The following ATP9B variants were observed in gnomAD, a reference collection of about 807,000 sequenced individuals.
ATP9B encodes ATPase phospholipid transporting 9B.
A neutral mutation model predicts 146.1 loss-of-function variants in ATP9B; 110 were observed. The ratio of observed to expected loss-of-function variants is 0.75; its 90% CI spans 0.65 to 0.88. ATP9B has a LOEUF of 0.88. Ranked by LOEUF, ATP9B falls within the 40% of genes least tolerant of loss-of-function variation. The pLI, the probability that ATP9B is intolerant of heterozygous loss-of-function variation, is 0.00. For synonymous variants in ATP9B, 604 were observed against 569.7 expected, an observed-to-expected ratio of 1.06 and a Z score of -0.86; for missense variants, 1,499 against 1,496.4, an observed-to-expected ratio of 1.00 and a Z score of -0.03.
chr18:79,272,724 C>G (rs1393873791), intron 12 of ATP9B, among the ~76,000 whole-genome samples: 1 of 152,200 alleles, frequency 6.6e-6, no homozygotes, highest in Non-Finnish European at 1.5e-5. Context: ...CTCTTCAGAT[C>G]AGTGATCATT....
rs547954982 is a variant in ATP9B, at chr18:79,356,530, A to G, written c.2904-2824A>G. Among the ~76,000 whole-genome samples the G allele has an allele frequency of 2.0e-5, 3 of 152,342 alleles. No homozygotes were observed. The South Asian group carries it at 6.2e-4, about 32-fold the overall frequency. The stretch of plus-strand genomic sequence containing the variant: ...ACACTGTGGTTCATTTGCCTGCCAC[A>G]AAATAGTAGTCAGCAATAGAAAGAA... On this transcript the variant is annotated intron_variant, in intron 25 of 29. Transcript: ENST00000426216.
intron 11 of ATP9B, among the ~76,000 whole-genome samples, chr18:79,217,348 C>T (rs2148449980): frequency 6.6e-6 from 1 of 152,226 alleles, no homozygotes; most frequent in Middle Eastern, 3.4e-3. Flanking sequence ...CCACGCCTGG[C>T]TAATTTTTTG....
chr18:79,375,242 G>A (rs2097096226), intron 28 of ATP9B, 152 bp from the exon 29 acceptor site: 1 of 648,280 alleles, frequency 1.5e-6, no homozygotes, highest in African/African-American at 1.8e-5. Context: ...ATCAGGCAGG[G>A]AAATGAGATG....
In ATP9B at chr18:79,176,908, G is replaced by T; in HGVS notation, c.873+1G>T. 6.2e-7 allele frequency: 1 copy of T among 1,613,668 alleles called. No individual in the cohort carries two copies. The highest frequency in any genetic ancestry group is 8.5e-7 in the Non-Finnish European group (1 of 1,179,660). On this transcript the variant is annotated splice_donor_variant, in intron 8 of 29. Coordinates refer to ENST00000426216, the MANE Select transcript of ATP9B (RefSeq NM_198531.5). LOFTEE classifies it high-confidence loss of function. Reference sequence around the variant, plus strand: ...CACGCAACAGCTGCCGGCTCTGGGGGTGAGCAGCACCAAGACTACTCCATC... The same window carrying T: ...CACGCAACAGCTGCCGGCTCTGGGGTTGAGCAGCACCAAGACTACTCCATC...
intron 26 of ATP9B, among the ~76,000 whole-genome samples, chr18:79,371,922 G>C (rs1356525787): frequency 6.6e-6 from 1 of 152,242 alleles, no homozygotes; most frequent in Non-Finnish European, 1.5e-5. Context: ...GCAAGAACCT[G>C]AGGAAATCAC....
At chr18:79,375,641 G>A (rs1164539166) in intron 29 of ATP9B, 1 of 985,348 alleles carries the variant, frequency 1.0e-6, no homozygotes, top group Non-Finnish European at 1.2e-6. Flanking sequence ...GGCCCTGAGT[G>A]AGGGGAAGGG....
intron 11 of ATP9B, among the ~76,000 whole-genome samples, chr18:79,246,045 CTG>C (rs1439627276): frequency 2.7e-3 from 183 of 67,938 alleles, no homozygotes; most frequent in African/African-American, 8.9e-3. Context: ...GCCCTACTGA[CTG>C]TGCGGAGGGC....
At chr18:79,324,265 C>T (rs1339978634) in intron 15 of ATP9B, among the ~76,000 whole-genome samples, 1 of 151,952 alleles carries the variant, frequency 6.6e-6, no homozygotes. Context: ...TTTCTCTTCA[C>T]TTTGTTGATT....
At chr18:79,327,468 T>TTCTCCGTGGTTAGCGTGC (rs1186875965) in intron 15 of ATP9B, among the ~76,000 whole-genome samples, 5 of 138,434 alleles carry the variant, frequency 3.6e-5, no homozygotes, top group Admixed American at 1.4e-4. Context: ...GGTTAGCGTG[T>TTCTCCGTGGTTAGCGTGC]TCTCCGTGGT....
chr18:79,129,258 T>C (rs148082715), intron 5 of ATP9B, among the ~76,000 whole-genome samples: 65 of 152,192 alleles, frequency 4.3e-4, no homozygotes, highest in African/African-American at 1.4e-3. Flanking sequence ...TTTGGGAAAT[T>C]TGAGCATTCA....
At chr18:79,098,111 C>A (rs1395864791) in intron 2 of ATP9B, among the ~76,000 whole-genome samples, 1 of 151,572 alleles carries the variant, frequency 6.6e-6, no homozygotes, top group South Asian at 2.1e-4. Context: ...TGATCTTTGA[C>A]AAACCTGAGA....
intron 26 of ATP9B, among the ~76,000 whole-genome samples, chr18:79,366,823 A>T (rs1385933555): frequency 6.6e-6 from 1 of 152,210 alleles, no homozygotes; most frequent in Non-Finnish European, 1.5e-5. Flanking sequence ...ATACAAGATG[A>T]GCCTGAAACT....
At chr18:79,271,423 G>A (rs1003657599) in intron 12 of ATP9B, among the ~76,000 whole-genome samples, 3 of 136,406 alleles carry the variant, frequency 2.2e-5, no homozygotes, top group African/African-American at 5.6e-5. Flanking sequence ...GGTGTGTGAT[G>A]TTCCCCTTCC....
rs748941781 is a variant in ATP9B, at chr18:79,110,344, G to C, written c.294-11G>C. On this transcript the variant is annotated splice_polypyrimidine_tract_variant and intron_variant, in intron 2 of 29. Coordinates refer to ENST00000426216, the MANE Select transcript of ATP9B (RefSeq NM_198531.5). ...AAAAAATACACAATACGTATCTTTTGTTTCATACAGTTGCTGTGGTTGGCT... is the reference window on the plus strand; with the variant it reads ...AAAAAATACACAATACGTATCTTTTCTTTCATACAGTTGCTGTGGTTGGCT... 6.4e-7 allele frequency: 1 copy of C among 1,571,872 alleles called. No individual in the cohort carries two copies. Among genetic ancestry groups the C allele is most frequent in the African/African-American group, 1.4e-5 (1 of 69,612 alleles).
At chr18:79,232,993 A>G (rs2095806124) in intron 11 of ATP9B, among the ~76,000 whole-genome samples, 1 of 152,186 alleles carries the variant, frequency 6.6e-6, no homozygotes, top group African/African-American at 2.4e-5. Context: ...GGACAATTTC[A>G]GAAGATAAAA....
intron 11 of ATP9B, among the ~76,000 whole-genome samples, chr18:79,230,297 G>C (rs1364805772): frequency 6.6e-6 from 1 of 152,132 alleles, no homozygotes; most frequent in Non-Finnish European, 1.5e-5. Flanking sequence ...CTGATGACAT[G>C]ATCGTATGCC....
At chr18:79,310,664 G>C (rs137877696) in intron 15 of ATP9B, among the ~76,000 whole-genome samples, 5 of 152,106 alleles carry the variant, frequency 3.3e-5, no homozygotes, top group Non-Finnish European at 7.4e-5. Flanking sequence ...ACTAGATCTC[G>C]TGTCCTGAAG....
chr18:79,150,814 A>G (rs2094677311), intron 6 of ATP9B, among the ~76,000 whole-genome samples: 2 of 152,170 alleles, frequency 1.3e-5, no homozygotes, highest in South Asian at 4.1e-4. Context: ...ACATAGACCA[A>G]AATTTAAAGA....
intron 26 of ATP9B, among the ~76,000 whole-genome samples, chr18:79,369,203 C>A (rs1196986040): frequency 6.6e-6 from 1 of 151,926 alleles, no homozygotes; most frequent in African/African-American, 2.4e-5. Flanking sequence ...TCGAGACCAT[C>A]CTGGCCAACA....
Sources: allele counts gnomAD v4.1 joint callset (sites outside exome capture counted in the v4.1 genomes callset), GRCh38; gene constraint gnomAD v4.1.1; transcripts MANE v1.5; gene names NCBI Gene and HGNC (gene_info 2026-07-23, HGNC 2026-07-21).